TCF12: variants seen among roughly 807,000 people sequenced by gnomAD.
TCF12 encodes transcription factor 12.
A neutral mutation model predicts 86.0 loss-of-function variants in TCF12; 45 were observed. The ratio of observed to expected loss-of-function variants is 0.52; its 90% CI spans 0.41 to 0.67. TCF12 has a LOEUF of 0.67. Among genes scored for constraint, TCF12 ranks in the 30% least tolerant of loss-of-function variants. TCF12 has a pLI of 0.00. For synonymous variants in TCF12, 330 were observed against 299.6 expected (o/e 1.10, Z -1.05); for missense variants, 881 against 859.9 (o/e 1.02, Z -0.31).
At chr15:57,279,884 CT>C (rs34752903) in intron 19 of TCF12, among the ~76,000 whole-genome samples, 3,681 of 98,158 alleles carry the variant, frequency 0.038, 99 homozygotes, top group Admixed American at 0.14. Context: ...CACAGTCTCA[CT>C]TTTTTTTTTT....
At chr15:57,130,886 T>G (rs1329296056) in intron 5 of TCF12, among the ~76,000 whole-genome samples, 3 of 152,222 alleles carry the variant, frequency 2.0e-5, no homozygotes, top group African/African-American at 7.2e-5. Context: ...TTAGAAAGTT[T>G]AGGTAACTGG....
At chr15:57,233,075 G>T (rs112710447) in intron 11 of TCF12, among the ~76,000 whole-genome samples, 1 of 139,534 alleles carries the variant, frequency 7.2e-6, no homozygotes, top group Non-Finnish European at 1.6e-5. Flanking sequence ...GTATATGTGT[G>T]TTTTTTATAT....
chr15:57,197,679 A>G, intron 7 of TCF12, 94 bp from the exon 8 acceptor site: 3 of 1,433,872 alleles, frequency 2.1e-6, no homozygotes, highest in Non-Finnish European at 2.9e-6. Context: ...GGAAAACAAG[A>G]AAGACGCTAG....
chr15:57,264,195 C>T lies in TCF12; in HGVS notation c.1745+921C>T, dbSNP rs1325641389. On this transcript the variant is annotated intron_variant, in intron 18 of 20. Transcript: ENST00000333725. Reference sequence around the variant, plus strand: ...TATTTTCTTTAAGTTCTTTTGTAAGCTTTTTTTTTTTTTTTTTTTTTTTGA... The same window carrying T: ...TATTTTCTTTAAGTTCTTTTGTAAGTTTTTTTTTTTTTTTTTTTTTTTTGA... Among the ~76,000 whole-genome samples, 78 of 50,676 alleles carry T rather than the reference C, an allele frequency of 1.5e-3. 1 individual carries two copies. Among genetic ancestry groups the T allele is most frequent in the South Asian group, 2.5e-3 (2 of 786 alleles). The allele number at this position is 50,676 out of a possible 152,430, so 33.2% of individuals were successfully genotyped here. A position where few individuals can be genotyped will look rare whatever the true frequency, so the allele number is the denominator to read the frequency against.
intron 5 of TCF12, among the ~76,000 whole-genome samples, chr15:57,096,529 A>ATG (rs1381691604): frequency 6.6e-6 from 1 of 152,128 alleles, no homozygotes; most frequent in Non-Finnish European, 1.5e-5. Flanking sequence ...ATATATATAT[A>ATG]TAAAATGGTA....
intron 3 of TCF12, among the ~76,000 whole-genome samples, chr15:57,057,129 A>G (rs2068091533): frequency 6.6e-6 from 1 of 152,208 alleles, no homozygotes; most frequent in Admixed American, 6.5e-5. Context: ...TCAGATCTCA[A>G]TTCGGTTCTT....
At chr15:57,264,271 G>T (rs2060740745) in intron 18 of TCF12, among the ~76,000 whole-genome samples, 1 of 118,932 alleles carries the variant, frequency 8.4e-6, no homozygotes. Context: ...CATCATCTCG[G>T]CTCACTGCAA....
At chr15:57,067,746 A>G (rs1220510386) in intron 4 of TCF12, among the ~76,000 whole-genome samples, 2 of 152,118 alleles carry the variant, frequency 1.3e-5, no homozygotes, top group African/African-American at 4.8e-5. Context: ...CTACCTGTGC[A>G]GAGAGCATAG....
intron 3 of TCF12, among the ~76,000 whole-genome samples, chr15:56,957,117 A>G (rs1595849990): frequency 6.6e-6 from 1 of 152,294 alleles, no homozygotes; most frequent in East Asian, 1.9e-4. Context: ...TCATGTTACA[A>G]TGCAATAAGA....
chr15:56,952,189 T>TACACACACACAC (rs58480587), intron 3 of TCF12, among the ~76,000 whole-genome samples: 3 of 150,398 alleles, frequency 2.0e-5, no homozygotes, highest in African/African-American at 7.3e-5. Context: ...TTTGTGTATA[T>TACACACACACAC]ACACACACAC....
At chr15:57,079,240 T>C (rs2070408760) in intron 4 of TCF12, among the ~76,000 whole-genome samples, 1 of 152,236 alleles carries the variant, frequency 6.6e-6, no homozygotes. Flanking sequence ...CACATCAGAA[T>C]AGAGTTTTTC....
At chr15:56,993,260 T>C in intron 3 of TCF12, among the ~76,000 whole-genome samples, 1 of 152,138 alleles carries the variant, frequency 6.6e-6, no homozygotes, top group Non-Finnish European at 1.5e-5. Flanking sequence ...TTTTGTCTTC[T>C]CCATCTCTCA....
At chr15:57,066,036 G>T (rs2068847006) in intron 4 of TCF12, among the ~76,000 whole-genome samples, 1 of 151,980 alleles carries the variant, frequency 6.6e-6, no homozygotes, top group African/African-American at 2.4e-5. Context: ...AAACCTAAAA[G>T]GTTTGGTGAG....
chr15:57,180,864 G>A (rs1467794749), intron 6 of TCF12, among the ~76,000 whole-genome samples: 2 of 128,172 alleles, frequency 1.6e-5, no homozygotes, highest in Non-Finnish European at 3.1e-5. Context: ...GCCCAGGCTG[G>A]AGTGCAGTGG....
intron 5 of TCF12, among the ~76,000 whole-genome samples, chr15:57,111,915 A>T (rs10518895): frequency 0.36 from 54,067 of 152,028 alleles, 11,990 homozygotes; most frequent in Non-Finnish European, 0.49. Context: ...AACAGTTTGT[A>T]AGTGGAAGAG....
intron 3 of TCF12, among the ~76,000 whole-genome samples, chr15:57,016,089 G>A (rs535421086): frequency 1.3e-5 from 2 of 152,154 alleles, no homozygotes; most frequent in Admixed American, 6.5e-5. Context: ...CATTATTTAC[G>A]TGTACCCTGC....
intron 3 of TCF12, among the ~76,000 whole-genome samples, chr15:56,940,949 C>G (rs2060742098): frequency 2.1e-5 from 3 of 145,248 alleles, no homozygotes. Context: ...TGGGTAGAGA[C>G]AGTATCTCAC....
chr15:57,244,000 T>G (rs2059744213), intron 13 of TCF12, among the ~76,000 whole-genome samples: 1 of 152,034 alleles, frequency 6.6e-6, no homozygotes, highest in Admixed American at 6.6e-5. Context: ...CACCTCAGCC[T>G]CCTGAGTAAC....
chr15:56,969,164 T>G (rs1217799977), intron 3 of TCF12, among the ~76,000 whole-genome samples: 1 of 152,192 alleles, frequency 6.6e-6, no homozygotes, highest in African/African-American at 2.4e-5. Flanking sequence ...GTAACTATCT[T>G]ATTTAGGAAT....
Sources: allele counts gnomAD v4.1 joint callset (sites outside exome capture counted in the v4.1 genomes callset), GRCh38; gene constraint gnomAD v4.1.1; transcripts MANE v1.5; gene names NCBI Gene and HGNC (gene_info 2026-07-23, HGNC 2026-07-21).